The following KCNMA1 variants were observed in gnomAD, a reference collection of about 807,000 sequenced individuals.
The protein encoded by KCNMA1 is potassium calcium-activated channel subfamily M alpha 1, also known as Calcium-activated potassium channel subunit alpha-1.
KCNMA1 carries 29 observed loss-of-function variants against 140.0 expected under a neutral mutation model. The ratio of observed to expected loss-of-function variants is 0.21; its 90% confidence interval spans 0.15 to 0.28. The LOEUF is 0.28. Ranked by LOEUF, KCNMA1 falls within the 10% of genes least tolerant of loss-of-function variation. The pLI is 1.00. For missense variants in KCNMA1, 880 were observed against 1,602.2 expected, an observed-to-expected ratio of 0.55 and a Z score of 7.70; for synonymous variants, 612 against 611.9, an observed-to-expected ratio of 1.00 and a Z score of 0.00.
intron 2 of KCNMA1, among the ~76,000 whole-genome samples, chr10:77,334,370 T>C (rs1318484856): frequency 2.6e-5 from 4 of 152,202 alleles, no homozygotes; most frequent in Non-Finnish European, 5.9e-5. Context: ...ATATGTAAAT[T>C]AATCAAAAAT....
intron 12 of KCNMA1, 127 bp from the exon 13 acceptor site, chr10:77,079,677 G>A: frequency 1.4e-6 from 1 of 729,584 alleles, no homozygotes. Flanking sequence ...CTTGATTCCA[G>A]AGGCAGGGCT....
chr10:77,230,897 TC>T (rs2053362423), intron 3 of KCNMA1, among the ~76,000 whole-genome samples: 1 of 152,096 alleles, frequency 6.6e-6, no homozygotes, highest in African/African-American at 2.4e-5. Context: ...TCAAGGGAAG[TC>T]CACTTGATTT....
chr10:77,118,225 A>C (rs958568611), intron 6 of KCNMA1, among the ~76,000 whole-genome samples: 1 of 152,196 alleles, frequency 6.6e-6, no homozygotes, highest in South Asian at 2.1e-4. Flanking sequence ...CCGCTATGAA[A>C]GCAGCAGAGT....
chr10:77,191,715 GC>G (rs1387195610), intron 3 of KCNMA1, among the ~76,000 whole-genome samples: 3 of 151,978 alleles, frequency 2.0e-5, no homozygotes, highest in Non-Finnish European at 4.4e-5. Flanking sequence ...ATCAAAATGG[GC>G]CCCCCTTTTT....
intron 5 of KCNMA1, among the ~76,000 whole-genome samples, chr10:77,154,871 A>G (rs1054109867): frequency 6.6e-6 from 1 of 152,266 alleles, no homozygotes; most frequent in African/African-American, 2.4e-5. Context: ...AAATGCTTGT[A>G]TAAATTGCTA....
chr10:77,170,546 CTGGGAGAAGGT>C (rs2098694277), intron 5 of KCNMA1, among the ~76,000 whole-genome samples: 1 of 121,886 alleles, frequency 8.2e-6, no homozygotes, highest in Non-Finnish European at 1.7e-5. Context: ...GGCTCCATCC[CTGGGAGAAGGT>C]CAGAGGTGAG....
chr10:77,420,787 A>T (rs1306989264), intron 1 of KCNMA1, among the ~76,000 whole-genome samples: 1 of 152,226 alleles, frequency 6.6e-6, no homozygotes, highest in African/African-American at 2.4e-5. Context: ...GAGGCCAAGC[A>T]TCACAGAGAA....
chr10:77,051,512 G>A lies in KCNMA1; in HGVS notation c.1750-11875C>T, dbSNP rs537548473. Among the ~76,000 whole-genome samples the A allele has an allele frequency of 1.2e-4, 18 of 152,274 alleles. 1 individual carries two copies. The highest frequency in any genetic ancestry group is 4.1e-4 in the South Asian group (2 of 4,820). ...AATATTTTCACAGGAAGTTAGAAGC[G>A]ATTTCAGAAATTCCCCTCTGCAGTT... On this transcript the variant is annotated intron_variant, in intron 14 of 27. Coordinates refer to ENST00000286628, the MANE Select transcript of KCNMA1 (RefSeq NM_001161352.2).
intron 16 of KCNMA1, 136 bp from the exon 17 acceptor site, chr10:77,019,235 A>G (rs572810073): frequency 9.3e-5 from 63 of 676,536 alleles, no homozygotes; most frequent in Non-Finnish European, 1.6e-4. Flanking sequence ...GATTTTGTCC[A>G]GAGTCCAATG....
chr10:77,497,306 G>C (rs2042314663), intron 1 of KCNMA1, among the ~76,000 whole-genome samples: 1 of 152,214 alleles, frequency 6.6e-6, no homozygotes, highest in Non-Finnish European at 1.5e-5. Context: ...CCTCTGGAGT[G>C]TCAGGTACCT....
intron 2 of KCNMA1, among the ~76,000 whole-genome samples, chr10:77,347,910 T>C (rs2092400245): frequency 1.3e-5 from 2 of 152,338 alleles, no homozygotes; most frequent in Admixed American, 1.3e-4. Context: ...AGTAGATGCT[T>C]TTTATTATCC....
intron 1 of KCNMA1, among the ~76,000 whole-genome samples, chr10:77,527,098 C>T (rs1227711930): frequency 2.0e-5 from 3 of 152,248 alleles, no homozygotes; most frequent in Non-Finnish European, 4.4e-5. Flanking sequence ...GCCCACTGTT[C>T]AGTTCCATTC....
intron 5 of KCNMA1, among the ~76,000 whole-genome samples, chr10:77,172,676 C>A (rs1483772605): frequency 7.5e-6 from 1 of 132,872 alleles, no homozygotes; most frequent in Non-Finnish European, 1.6e-5. Context: ...GTGTATGTTG[C>A]CATTGAATTC....
chr10:76,983,085 G>A (rs74672340), intron 19 of KCNMA1, among the ~76,000 whole-genome samples: 1 of 152,176 alleles, frequency 6.6e-6, no homozygotes, highest in Non-Finnish European at 1.5e-5. Flanking sequence ...CAGAGAACTG[G>A]AAGGAAACCC....
At chr10:77,366,217 G>A (rs2094351458) in intron 2 of KCNMA1, among the ~76,000 whole-genome samples, 1 of 150,854 alleles carries the variant, frequency 6.6e-6, no homozygotes, top group Non-Finnish European at 1.5e-5. Flanking sequence ...CACCCATGCT[G>A]GAGTGCAATG....
chr10:77,434,341 A>G lies in KCNMA1; in HGVS notation c.379-30318T>C, dbSNP rs573945414. On this transcript the variant is annotated intron_variant, in intron 1 of 27. Coordinates refer to ENST00000286628, the MANE Select transcript of KCNMA1 (RefSeq NM_001161352.2). ...AGTGTGTCTCGTTCCTGTGGAAAGG[A>G]GGTATCTTGTTCTGGACAGTGTGGG... Among the ~76,000 whole-genome samples the G allele has an allele frequency of 3.3e-5, 5 of 152,238 alleles. No homozygotes were observed. In the South Asian group the frequency reaches 1.0e-3, roughly 32 times the overall value.
At chr10:77,400,477 G>A (rs2096227564) in intron 2 of KCNMA1, among the ~76,000 whole-genome samples, 1 of 152,200 alleles carries the variant, frequency 6.6e-6, no homozygotes. Context: ...AGATGGTAAT[G>A]TCAAAATGTC....
At chr10:77,286,390 G>T (rs1039201448) in intron 2 of KCNMA1, among the ~76,000 whole-genome samples, 1 of 152,156 alleles carries the variant, frequency 6.6e-6, no homozygotes, top group East Asian at 1.9e-4. Context: ...GTGTTAAAGA[G>T]AATGTAAAAG....
intron 1 of KCNMA1, among the ~76,000 whole-genome samples, chr10:77,596,267 C>A (rs996255795): frequency 6.6e-6 from 1 of 152,176 alleles, no homozygotes; most frequent in Admixed American, 6.5e-5. Flanking sequence ...CTCCAGAGAT[C>A]AATTTCATAA....
Sources: allele counts gnomAD v4.1 joint callset (sites outside exome capture counted in the v4.1 genomes callset), GRCh38; gene constraint gnomAD v4.1.1; transcripts MANE v1.5; gene names NCBI Gene and HGNC (gene_info 2026-07-23, HGNC 2026-07-21).